Variants in RUNX3 observed in about 807,000 individuals in gnomAD.
RUNX3 encodes the protein RUNX family transcription factor 3.
In RUNX3, 10 loss-of-function variants were observed where a neutral mutation model predicts 27.7. The observed-to-expected ratio is 0.36, with a 90% CI of 0.22 to 0.61. The LOEUF (loss-of-function observed/expected upper bound fraction) is 0.61. Ranked by LOEUF, RUNX3 falls within the 20% of genes least tolerant of loss-of-function variation. The pLI is 0.72. For missense variants in RUNX3, 469 were observed against 629.5 expected, an observed-to-expected ratio of 0.75 and a Z score of 2.73; for synonymous variants, 270 against 269.2, an observed-to-expected ratio of 1.00 and a Z score of -0.03.
chr1:24,951,537 G>T (rs1029689845), intron 2 of RUNX3, among the ~76,000 whole-genome samples: 1 of 152,218 alleles, frequency 6.6e-6, no homozygotes, highest in Non-Finnish European at 1.5e-5. Flanking sequence ...CCAGTAAGAA[G>T]GTGGTGGAGC....
At chr1:24,925,434 C>A (rs935245369) in intron 2 of RUNX3, among the ~76,000 whole-genome samples, 3 of 151,698 alleles carry the variant, frequency 2.0e-5, no homozygotes, top group African/African-American at 7.3e-5. Flanking sequence ...TAACATGTAT[C>A]CAGCTCTCAA....
chr1:24,931,562 G>C (rs1018000804), upstream of RUNX3, among the ~76,000 whole-genome samples: 7 of 152,190 alleles, frequency 4.6e-5, no homozygotes, highest in Non-Finnish European at 1.0e-4. Context: ...CTTTGGAGAC[G>C]GGGCTAGATT....
At chr1:24,934,620 C>T (rs550340091), upstream of RUNX3, among the ~76,000 whole-genome samples, 2 of 152,278 alleles carry the variant, frequency 1.3e-5, no homozygotes, top group African/African-American at 2.4e-5. Context: ...ATCCCCACGG[C>T]GTCATATGTG....
intron 2 of RUNX3, 38 bp from the exon 3 acceptor site, chr1:24,919,382 C>A: frequency 1.4e-6 from 2 of 1,408,420 alleles, no homozygotes; most frequent in Admixed American, 1.7e-5. Context: ...TGGTTGGCAC[C>A]TGGAGCTTCC....
chr1:24,911,572 T>C (rs538087461), intron 3 of RUNX3, among the ~76,000 whole-genome samples: 1 of 152,306 alleles, frequency 6.6e-6, no homozygotes, highest in South Asian at 2.1e-4. Flanking sequence ...ATCATGACCA[T>C]CGCTTTTATC....
At position 24,964,494 on chromosome 1, in the gene RUNX3, C is replaced by T. The variant is rs1395017204; in HGVS notation, c.58+20G>A. 5.0e-6 allele frequency: 8 copies of T among 1,599,608 alleles called. No homozygotes were observed. In the Middle Eastern group the frequency reaches 5.0e-4, roughly 99 times the overall value. On this transcript the variant is annotated intron_variant, in intron 2 of 6. Coordinates refer to the RUNX3 transcript ENST00000338888. ...CTGGCCACAGCTCCCCACCCAGGGC[C>T]CTGGGCTATTGTTACTCACCGCGGA...
rs1312473198 is a variant in RUNX3 at position 24,929,724 on chromosome 1, G to A, written c.145C>T (p.Arg49Trp). The change falls in exon 1 of 5, where the codon CGG becomes TGG. Residue 49 changes from arginine (R) to tryptophan (W), a missense_variant. Physicochemically the swap from Arg to Trp is moderately radical, Grantham distance 101. This residue lies in a region of RUNX3 where 115 missense variants were observed against 118.0 expected (regional missense o/e 0.97). Coordinates refer to ENST00000308873, the MANE Select transcript of RUNX3 (RefSeq NM_004350.3). ...TCCACCATCGAGCGCACCTCGGGCC[G>A]GGCGCGCCCTCCGGGCCCCACGGCC... Reference protein sequence around the residue: ...QAAVGPGGRARPEVRSMVDVL... With the variant: ...QAAVGPGGRAWPEVRSMVDVL... The A allele has an allele frequency of 4.6e-6, 7 of 1,511,690 alleles. No homozygotes were observed. Among genetic ancestry groups the A allele is most frequent in the Non-Finnish European group, 3.5e-6 (4 of 1,140,236 alleles). 93.6% of individuals were successfully genotyped at this position (1,511,690 alleles called of 1,614,324 possible).
rs771322745 is a variant in RUNX3, at chr1:24,927,528, CCT to C, written c.439+44_439+45del. ...TCTTTCAACCTCCTTCCCTGCTGCC[CCT>C]GCCATTGCCAATGCTGAAATGGCGA... On this transcript the variant is annotated intron_variant, in intron 2 of 4. Transcript: ENST00000308873. This position sits in a 1 kb window ranked among gnomAD's most constrained non-coding sequence, Gnocchi z 5.0. The C allele has an allele frequency of 1.9e-6, 3 of 1,601,658 alleles. No individual in the cohort carries two copies. The Admixed American group carries it at 5.0e-5, about 27-fold the overall frequency.
chr1:24,905,796 C>T (rs1640652353), intron 4 of RUNX3, among the ~76,000 whole-genome samples: 1 of 152,254 alleles, frequency 6.6e-6, no homozygotes. Flanking sequence ...TCTCAGGCTA[C>T]TGCACCTCGA....
chr1:24,911,207 C>G (rs1183359240), intron 3 of RUNX3, among the ~76,000 whole-genome samples: 1 of 152,232 alleles, frequency 6.6e-6, no homozygotes, highest in African/African-American at 2.4e-5. Context: ...CCGACAACAG[C>G]CTGAGTGCAA....
rs908146713 is a variant in RUNX3 at position 24,962,718 on chromosome 1, C to T, written c.58+1796G>A. On this transcript the variant is annotated intron_variant, in intron 2 of 6. Transcript: ENST00000338888. This position sits in a 1 kb window ranked among gnomAD's most constrained non-coding sequence, Gnocchi z 4.5. ...GCCAGGATCAGCCCGCTCTGCCCAGCGGCCTCCTGTCTCTGGGCGCATACA... is the reference window on the plus strand; with the variant it reads ...GCCAGGATCAGCCCGCTCTGCCCAGTGGCCTCCTGTCTCTGGGCGCATACA... 2.0e-5 allele frequency among the ~76,000 whole-genome samples: 3 copies of T among 152,220 alleles called. No homozygotes were observed. Among genetic ancestry groups the T allele is most frequent in the Non-Finnish European group, 4.4e-5 (3 of 68,038 alleles).
At chr1:24,947,895 G>A (rs1447317929) in intron 2 of RUNX3, among the ~76,000 whole-genome samples, 1 of 152,228 alleles carries the variant, frequency 6.6e-6, no homozygotes, top group Admixed American at 6.5e-5. Context: ...TCTCTGCTGT[G>A]TGCTTCCACC....
At chr1:24,905,982 G>A (rs1283227206) in intron 4 of RUNX3, among the ~76,000 whole-genome samples, 1 of 152,344 alleles carries the variant, frequency 6.6e-6, no homozygotes, top group East Asian at 1.9e-4. Context: ...TGGGCCTGGG[G>A]CTTCTCCCAA....
rs1438824580 is a variant in RUNX3 at position 24,929,424 on chromosome 1, G to A, written c.282+163C>T. 6.6e-6 allele frequency: 5 copies of A among 754,308 alleles called. No homozygotes were observed. In the African/African-American group the frequency reaches 6.9e-5, roughly 10 times the overall value. The allele number at this position is 754,308 out of a possible 1,614,324, so 46.7% of individuals were successfully genotyped here. The stretch of plus-strand genomic sequence containing the variant: ...GGGCGCATCCAAAACGGAACGCCGA[G>A]GTCCCGGAGCCGAGCGCGCAGCCAG... On this transcript the variant is annotated intron_variant, in intron 1 of 4. Transcript: ENST00000308873.
At chr1:24,953,330 C>T (rs1239874053) in intron 2 of RUNX3, among the ~76,000 whole-genome samples, 2 of 132,532 alleles carry the variant, frequency 1.5e-5, no homozygotes, top group Non-Finnish European at 3.1e-5. Context: ...CGCCACTGCA[C>T]GCCAGCCTGG....
At position 24,929,807 on chromosome 1, in the gene RUNX3, G is replaced by A. The variant is rs541751931; in HGVS notation, c.62C>T (p.Pro21Leu). The change falls in exon 1 of 5, where the codon CCC (proline) becomes CTC (leucine). Residue 21 changes from proline (P) to leucine (L), a missense_variant. Pro to Leu is a moderately conservative substitution (Grantham distance 98). Around this residue, in one of 3 missense-constraint regions of RUNX3, gnomAD observed 115 missense variants for 118.0 expected, o/e 0.97. Coordinates refer to ENST00000308873, the MANE Select transcript of RUNX3 (RefSeq NM_004350.3). ...RRFTPPSPAF[P>L]CGGGGGKMGE... ...CATCTTGCCGCCGCCGCCGCCGCAG[G>A]GGAAGGCCGGGGAGGGAGGTGTGAA... 73 of 1,415,984 alleles carry A rather than the reference G, an allele frequency of 5.2e-5. No homozygotes were observed. Among genetic ancestry groups the A allele is most frequent in the Non-Finnish European group, 6.2e-5 (68 of 1,094,500 alleles). The allele number at this position is 1,415,984 out of a possible 1,614,324, so 87.7% of individuals were successfully genotyped here. A position where few individuals can be genotyped will look rare whatever the true frequency, so the allele number is the denominator to read the frequency against.
At position 24,962,236 on chromosome 1, in the gene RUNX3, G is replaced by A. The variant is rs949547320; in HGVS notation, c.58+2278C>T. ...ACAGACAAATGGAGTTCAACAAATGGAAAACGTGAGTCAATATGTCACCAG... is the reference window on the plus strand; with the variant it reads ...ACAGACAAATGGAGTTCAACAAATGAAAAACGTGAGTCAATATGTCACCAG... On this transcript the variant is annotated intron_variant, in intron 2 of 6. Coordinates refer to the RUNX3 transcript ENST00000338888. The surrounding 1 kb of genome is among the most constrained non-coding windows in gnomAD (Gnocchi z 4.5). 5 of 152,232 alleles carry A rather than the reference G, an allele frequency of 3.3e-5. No individual in the cohort carries two copies. The highest frequency in any genetic ancestry group is 2.6e-4 in the Admixed American group (4 of 15,282). 9.4% of individuals were successfully genotyped at this position (152,232 alleles called of 1,614,324 possible).
chr1:24,964,530 C>T (rs143446859), exon 2 of RUNX3: 17 of 1,611,426 alleles, frequency 1.1e-5, no homozygotes, highest in Middle Eastern at 1.6e-4. Flanking sequence ...TGAAGGTCGG[C>T]GAGTAGGTCG....
At chr1:24,952,972 T>C (rs796229107) in intron 2 of RUNX3, among the ~76,000 whole-genome samples, 2 of 152,304 alleles carry the variant, frequency 1.3e-5, no homozygotes, top group African/African-American at 2.4e-5. Flanking sequence ...TCCGGTAGCA[T>C]TGAATGCTTT....
Sources: allele counts gnomAD v4.1 joint callset (sites outside exome capture counted in the v4.1 genomes callset), GRCh38; gene constraint gnomAD v4.1.1; regional missense constraint gnomAD v4.1.1; non-coding constraint Gnocchi (gnomAD v3.1); transcripts MANE v1.5; gene names NCBI Gene and HGNC (gene_info 2026-07-23, HGNC 2026-07-21).